The following ITIH5 variants were observed in gnomAD, a reference collection of about 807,000 sequenced individuals.
ITIH5 encodes inter-alpha-trypsin inhibitor heavy chain 5, also known as inter-alpha-trypsin inhibitor heavy chain H5.
ITIH5 carries 65 observed loss-of-function variants against 77.5 expected under a neutral mutation model. The ratio of observed to expected loss-of-function variants is 0.84; its 90% CI spans 0.69 to 1.03. ITIH5 has a LOEUF of 1.03. Ranked by LOEUF, ITIH5 falls within the 50% of genes least tolerant of loss-of-function variation. The probability of loss-of-function intolerance (pLI) is 0.00; values close to 1 mark genes in which losing one functional copy is unlikely to be tolerated. For synonymous variants in ITIH5, 525 were observed against 494.3 expected, an observed-to-expected ratio of 1.06 and a Z score of -0.82; for missense variants, 1,208 against 1,213.1, an observed-to-expected ratio of 1.00 and a Z score of 0.06.
chr10:7,637,883 A>G (rs918885088), intron 4 of ITIH5, among the ~76,000 whole-genome samples: 20 of 152,220 alleles, frequency 1.3e-4, no homozygotes, highest in African/African-American at 4.6e-4. Context: ...AAAATAGCTA[A>G]CATACTAGGT....
intron 12 of ITIH5, among the ~76,000 whole-genome samples, chr10:7,566,832 GGAAGAGGAAGAGGAAGAAGAAGAA>G (rs1832183253): frequency 0.016 from 542 of 33,934 alleles, 12 homozygotes; most frequent in Admixed American, 0.025. Flanking sequence ...AAGAGGAAGA[GGAAGAGGAAGAGGAAGAAGAAGAA>G]GAAGAAGAAG....
intron 10 of ITIH5, 113 bp downstream of exon 10, chr10:7,576,340 A>C (rs1264556009): frequency 1.0e-6 from 1 of 958,400 alleles, no homozygotes; most frequent in Non-Finnish European, 1.5e-6. Context: ...ATTGTTTATA[A>C]GTATTATAGC....
chr10:7,633,110 T>G (rs1365090829), intron 5 of ITIH5, among the ~76,000 whole-genome samples: 3 of 152,220 alleles, frequency 2.0e-5, no homozygotes, highest in Non-Finnish European at 4.4e-5. Flanking sequence ...TTTCAAATAC[T>G]CTGTTCCACT....
intron 11 of ITIH5, chr10:7,571,967 T>C: frequency 3.0e-6 from 3 of 993,220 alleles, no homozygotes; most frequent in Non-Finnish European, 3.6e-6. Context: ...AGAGTTTCTA[T>C]GTGCACATAC....
At chr10:7,629,737 G>T (rs1423129617) in intron 5 of ITIH5, among the ~76,000 whole-genome samples, 4 of 152,092 alleles carry the variant, frequency 2.6e-5, no homozygotes, top group Non-Finnish European at 4.4e-5. Flanking sequence ...GAGCATTTTT[G>T]TTGTTTCCAC....
In ITIH5 at chr10:7,628,837, C is replaced by T. The variant is rs143971547; in HGVS notation, c.652+8391G>A. Among the ~76,000 whole-genome samples the T allele has an allele frequency of 1.3e-4, 11 of 85,666 alleles. 3 individuals are homozygous for T. Among genetic ancestry groups the T allele is most frequent in the South Asian group, 4.1e-4 (1 of 2,422 alleles). 56.2% of individuals were successfully genotyped at this position (85,666 alleles called of 152,430 possible). ...TGTGTCCATGTTGTAGCGTGTGTCC[C>T]TGTTGTAGCGTGTGTCCCTGTTGTA... On this transcript the variant is annotated intron_variant, in intron 5 of 13. Coordinates refer to ENST00000397146, the MANE Select transcript of ITIH5 (RefSeq NM_030569.7).
At chr10:7,659,402 AAATT>A (rs1318057105) in intron 1 of ITIH5, among the ~76,000 whole-genome samples, 1 of 152,028 alleles carries the variant, frequency 6.6e-6, no homozygotes, top group African/African-American at 2.4e-5. Context: ...AATTAAAAGT[AAATT>A]AATTAATTAA....
chr10:7,612,065 C>A (rs981917197), intron 7 of ITIH5, among the ~76,000 whole-genome samples: 2 of 152,088 alleles, frequency 1.3e-5, no homozygotes, highest in South Asian at 4.2e-4. Context: ...TGTACCAAAC[C>A]CACAAATGAA....
Position 7,563,354 on chromosome 10 carries a change from G to C in ITIH5, c.2558C>G (p.Thr853Arg), listed in dbSNP as rs1334606771. ...GQFLNQDARLTEDPAGPSQNL... is the reference protein window; with the variant it reads ...GQFLNQDARLREDPAGPSQNL... ...CTGGCTGGGCCCTGCAGGGTCTTCT[G>C]TGAGTCTGGCATCCTGATTCAGGAA... is the stretch of plus-strand genomic sequence containing the variant. Residue 853 changes from threonine to arginine, a missense_variant, in exon 14 of 14, where the codon ACA (threonine) becomes AGA (arginine). Physicochemically the swap from Thr to Arg is moderately conservative, Grantham distance 71. Transcript: ENST00000397146. 5.6e-6 allele frequency: 9 copies of C among 1,613,450 alleles called. No homozygotes were observed. The Admixed American group carries it at 1.3e-4, about 24-fold the overall frequency.
chr10:7,582,587 T>C (rs1347974077), intron 8 of ITIH5, among the ~76,000 whole-genome samples: 6 of 152,020 alleles, frequency 3.9e-5, no homozygotes, highest in Non-Finnish European at 4.4e-5. Flanking sequence ...CTGACTGGAG[T>C]GACTTTTCTC....
chr10:7,603,480 T>C (rs971140689), intron 7 of ITIH5, among the ~76,000 whole-genome samples: 1 of 152,198 alleles, frequency 6.6e-6, no homozygotes, highest in Non-Finnish European at 1.5e-5. Flanking sequence ...GGTGATGGTT[T>C]CACAACTCTC....
At chr10:7,581,612 C>T (rs1224071513) in intron 8 of ITIH5, among the ~76,000 whole-genome samples, 1 of 151,550 alleles carries the variant, frequency 6.6e-6, no homozygotes, top group African/African-American at 2.4e-5. Flanking sequence ...TTTATGAAAA[C>T]ATATCAAGTT....
At chr10:7,645,362 C>T (rs937768533) in intron 2 of ITIH5, among the ~76,000 whole-genome samples, 2 of 152,080 alleles carry the variant, frequency 1.3e-5, no homozygotes, top group African/African-American at 4.8e-5. Context: ...AAAGTGTGGT[C>T]CTCGGACCAG....
intron 5 of ITIH5, among the ~76,000 whole-genome samples, chr10:7,632,122 G>C (rs1833723270): frequency 1.3e-5 from 2 of 152,082 alleles, no homozygotes; most frequent in South Asian, 2.1e-4. Context: ...TTTAAAATCT[G>C]CTTCTGTAGG....
intron 1 of ITIH5, among the ~76,000 whole-genome samples, chr10:7,658,604 T>C (rs1329533609): frequency 6.6e-6 from 1 of 152,166 alleles, no homozygotes; most frequent in Non-Finnish European, 1.5e-5. Context: ...ACATGAGATG[T>C]CAATCAAATA....
At position 7,666,831 on chromosome 10, in the gene ITIH5, G is replaced by A. The variant is rs774929587; in HGVS notation, c.62C>T (p.Ala21Val). ...CTCCGAAGAGTGGCCCCAGCTCTGCGCCTCTTCCTGCGACCCCACACACAG... is the reference window on the plus strand; with the variant it reads ...CTCCGAAGAGTGGCCCCAGCTCTGCACCTCTTCCTGCGACCCCACACACAG... Reference protein sequence around the residue: ...LSLCVGSQEEAQSWGHSSEQD... With the variant: ...LSLCVGSQEEVQSWGHSSEQD... Residue 21 changes from alanine (A) to valine (V), a missense_variant, in exon 1 of 14, where the codon GCG becomes GTG. Transcript: ENST00000397146. The A allele has an allele frequency of 2.5e-6, 4 of 1,608,968 alleles. No individual in the cohort carries two copies. The South Asian group carries it at 4.4e-5, about 18-fold the overall frequency.
Position 7,576,504 on chromosome 10 carries a change from T to G in ITIH5, c.1927A>C (p.Met643Leu). The change falls in exon 10 of 14, where the codon ATG becomes CTG. Residue 643 changes from methionine (M) to leucine (L), a missense_variant. By Grantham distance (15) the Met-to-Leu change is conservative. Transcript: ENST00000397146. ...LEEAHGMSAA[M>L]GPEPVVQSVR... ...CTCTGCACCACCGGTTCGGGTCCCATGGCAGCCGACATGCCGTGGGCCTCC... is the reference window on the plus strand; with the variant it reads ...CTCTGCACCACCGGTTCGGGTCCCAGGGCAGCCGACATGCCGTGGGCCTCC... 6.2e-7 allele frequency: 1 copy of G among 1,610,566 alleles called. No individual in the cohort carries two copies.
chr10:7,649,645 T>C (rs1834065310), intron 2 of ITIH5, among the ~76,000 whole-genome samples: 1 of 152,168 alleles, frequency 6.6e-6, no homozygotes, highest in Non-Finnish European at 1.5e-5. Flanking sequence ...AAAACAGATG[T>C]AGTATTTACA....
At chr10:7,569,264 C>G (rs1377022684) in intron 12 of ITIH5, 1 of 153,600 alleles carries the variant, frequency 6.5e-6, no homozygotes, top group East Asian at 1.9e-4. Flanking sequence ...GGTGATCCAC[C>G]TGCCTCGGCC....
Sources: allele counts gnomAD v4.1 joint callset (sites outside exome capture counted in the v4.1 genomes callset), GRCh38; gene constraint gnomAD v4.1.1; transcripts MANE v1.5; gene names NCBI Gene and HGNC (gene_info 2026-07-23, HGNC 2026-07-21).